DOCK3: variants seen among roughly 807,000 people sequenced by gnomAD.
The protein encoded by DOCK3 is dedicator of cytokinesis protein 3.
DOCK3 carries 60 observed loss-of-function variants against 265.6 expected under a neutral mutation model. The ratio of observed to expected loss-of-function variants is 0.23; its 90% confidence interval spans 0.18 to 0.28. The LOEUF (loss-of-function observed/expected upper bound fraction) is 0.28, where lower values mean the gene tolerates loss of function less well. Ranked by LOEUF, DOCK3 falls within the 10% of genes least tolerant of loss-of-function variation. The pLI, the probability that DOCK3 is intolerant of heterozygous loss-of-function variation, is 1.00. For synonymous variants in DOCK3, 881 were observed against 938.0 expected (o/e 0.94, Z 1.11); for missense variants, 1,981 against 2,594.3 (o/e 0.76, Z 5.14).
At chr3:50,700,681 T>C (rs2035982735) in intron 1 of DOCK3, among the ~76,000 whole-genome samples, 2 of 149,624 alleles carry the variant, frequency 1.3e-5, no homozygotes, top group South Asian at 4.3e-4. Flanking sequence ...TCCATATCCA[T>C]TGGCAGACAC....
At chr3:50,987,293 C>T (rs1038951049) in intron 5 of DOCK3, among the ~76,000 whole-genome samples, 23 of 152,040 alleles carry the variant, frequency 1.5e-4, no homozygotes, top group African/African-American at 5.1e-4. Flanking sequence ...AGAAATTTAT[C>T]CCTGACCTTT....
chr3:50,979,949 C>G (rs1278133005), intron 5 of DOCK3, among the ~76,000 whole-genome samples: 2 of 152,094 alleles, frequency 1.3e-5, no homozygotes, highest in Non-Finnish European at 1.5e-5. Flanking sequence ...CCTTTTCTTT[C>G]TTTCTCTTGC....
chr3:50,980,204 A>G (rs2077639532), intron 5 of DOCK3, among the ~76,000 whole-genome samples: 2 of 152,192 alleles, frequency 1.3e-5, no homozygotes, highest in African/African-American at 2.4e-5. Context: ...TTCTGCGTCT[A>G]TTGAGATGAT....
intron 32 of DOCK3, among the ~76,000 whole-genome samples, chr3:51,321,393 A>C (rs961328255): frequency 6.6e-6 from 1 of 152,220 alleles, no homozygotes; most frequent in African/African-American, 2.4e-5. Context: ...AAAAGGATGA[A>C]AATTCCAAAA....
chr3:51,194,795 A>G (rs1424821176), intron 12 of DOCK3, among the ~76,000 whole-genome samples: 1 of 130,224 alleles, frequency 7.7e-6, no homozygotes, highest in Non-Finnish European at 1.7e-5. Context: ...TTCAGTCTGT[A>G]TGTGTCTTTA....
intron 1 of DOCK3, among the ~76,000 whole-genome samples, chr3:50,681,868 T>C (rs1308003711): frequency 6.6e-6 from 1 of 152,258 alleles, no homozygotes; most frequent in Non-Finnish European, 1.5e-5. Context: ...CAGAACTTGA[T>C]AGTACTGATT....
At chr3:50,867,417 TC>T (rs1559744312) in intron 3 of DOCK3, among the ~76,000 whole-genome samples, 1 of 152,186 alleles carries the variant, frequency 6.6e-6, no homozygotes, top group Non-Finnish European at 1.5e-5. Flanking sequence ...TGTGTTTTTT[TC>T]TGTTGTCTGA....
At position 51,355,010 on chromosome 3, in the gene DOCK3, G is replaced by A; in HGVS notation, c.4236G>A (p.Gln1412=). The A allele has an allele frequency of 1.2e-6, 2 of 1,613,736 alleles. No individual in the cohort carries two copies. The highest frequency in any genetic ancestry group is 1.7e-6 in the Non-Finnish European group (2 of 1,179,794). The change falls in exon 41 of 53, where the codon CAG becomes CAA. Residue 1412 remains glutamine, a synonymous_variant. Transcript: ENST00000266037. Reference sequence around the variant, plus strand: ...ACCATCCTGATGACGCCATCCTACAGTGCGATGCCCAGTGTATCCTTTGAT... The same window carrying A: ...ACCATCCTGATGACGCCATCCTACAATGCGATGCCCAGTGTATCCTTTGAT... ...HPNHPDDAIL[Q]CDAQYLQIYA...
At chr3:51,232,787 A>G (rs1316187413) in intron 19 of DOCK3, among the ~76,000 whole-genome samples, 1 of 152,142 alleles carries the variant, frequency 6.6e-6, no homozygotes, top group Non-Finnish European at 1.5e-5. Context: ...CATTTGTTGC[A>G]TGCATGGTTT....
intron 24 of DOCK3, among the ~76,000 whole-genome samples, chr3:51,274,132 G>A (rs2080674028): frequency 6.6e-6 from 1 of 152,216 alleles, no homozygotes; most frequent in Non-Finnish European, 1.5e-5. Flanking sequence ...CGGTAACACT[G>A]GGAGAAATCA....
At chr3:50,916,691 C>T (rs2050144915) in intron 4 of DOCK3, among the ~76,000 whole-genome samples, 1 of 151,736 alleles carries the variant, frequency 6.6e-6, no homozygotes, top group Non-Finnish European at 1.5e-5. Context: ...CACCTGTAAT[C>T]CCAGCTATTC....
intron 9 of DOCK3, among the ~76,000 whole-genome samples, chr3:51,103,212 A>C (rs2109750601): frequency 6.6e-6 from 1 of 152,318 alleles, no homozygotes; most frequent in South Asian, 2.1e-4. Flanking sequence ...ATGGAGAGAA[A>C]TATATAGCAG....
intron 4 of DOCK3, among the ~76,000 whole-genome samples, chr3:50,911,427 T>C (rs1187472837): frequency 6.6e-6 from 1 of 152,140 alleles, no homozygotes; most frequent in South Asian, 2.1e-4. Context: ...CTTTCTCCAA[T>C]GTATGTTTTT....
chr3:50,907,162 T>A (rs968006226), intron 4 of DOCK3, among the ~76,000 whole-genome samples: 1 of 152,042 alleles, frequency 6.6e-6, no homozygotes, highest in Admixed American at 6.6e-5. Context: ...TCCTGAGGAG[T>A]GCTTTACTTC....
intron 7 of DOCK3, among the ~76,000 whole-genome samples, chr3:51,088,562 C>T (rs2109536664): frequency 6.6e-6 from 1 of 152,276 alleles, no homozygotes; most frequent in South Asian, 2.1e-4. Flanking sequence ...TCAATTTAAA[C>T]ATTTTTAAAA....
chr3:50,881,919 T>A (rs1269350851), intron 3 of DOCK3, among the ~76,000 whole-genome samples: 1 of 152,080 alleles, frequency 6.6e-6, no homozygotes, highest in Non-Finnish European at 1.5e-5. Flanking sequence ...AAAACAGAGA[T>A]ATAGACCAAT....
At chr3:50,866,199 TG>T (rs1353525186) in intron 3 of DOCK3, among the ~76,000 whole-genome samples, 1 of 152,160 alleles carries the variant, frequency 6.6e-6, no homozygotes, top group Non-Finnish European at 1.5e-5. Context: ...AAGAATTTTT[TG>T]TCAGGGTCAG....
At chr3:51,233,568 C>T (rs1023098567) in intron 19 of DOCK3, among the ~76,000 whole-genome samples, 9 of 152,140 alleles carry the variant, frequency 5.9e-5, no homozygotes, top group South Asian at 2.1e-4. Context: ...AAGGTTTCAC[C>T]GTGTTAGTCA....
At chr3:50,781,189 T>A (rs1437414049) in intron 2 of DOCK3, among the ~76,000 whole-genome samples, 1 of 150,700 alleles carries the variant, frequency 6.6e-6, no homozygotes, top group East Asian at 1.9e-4. Context: ...AAAGAGATCT[T>A]GAGACCAAAA....
Sources: gnomAD v4.1 joint callset for allele counts (sites outside exome capture counted in the v4.1 genomes callset) on GRCh38, gnomAD v4.1.1 for gene constraint, MANE v1.5 for transcripts, NCBI Gene and HGNC (gene_info 2026-07-23, HGNC 2026-07-21) for gene names.